Variants in SCFD2 observed in about 807,000 individuals in gnomAD.
The protein encoded by SCFD2 is sec1 family domain containing 2.
A neutral mutation model predicts 58.9 loss-of-function variants in SCFD2; 54 were observed. The ratio of observed to expected loss-of-function variants is 0.92; its 90% CI spans 0.74 to 1.15. The LOEUF is 1.15. Ranked by LOEUF, SCFD2 falls within the 50% of genes most tolerant of loss-of-function variation. SCFD2 has a pLI of 0.00. For synonymous variants in SCFD2, 321 were observed against 335.9 expected (o/e 0.96, Z 0.49); for missense variants, 805 against 836.6 (o/e 0.96, Z 0.47).
At chr4:53,345,642 G>GGCTGCTGTAACAAATGAC (rs1560458992) in intron 2 of SCFD2, among the ~76,000 whole-genome samples, 1 of 151,834 alleles carries the variant, frequency 6.6e-6, no homozygotes, top group African/African-American at 2.4e-5. Flanking sequence ...AAAGACACAC[G>GGCTGCTGTAACAAATGAC]CACATGTATG....
chr4:53,317,275 T>C lies in SCFD2; in HGVS notation c.1008-3512A>G, dbSNP rs578067454. On this transcript the variant is annotated intron_variant, in intron 2 of 8. Transcript: ENST00000401642. ...AAGTTAATTAAGGTTCTCTGAATAA[T>C]TGGCACTGAAGAAGGTCAAAGTCAT... is the stretch of plus-strand genomic sequence containing the variant. Among the ~76,000 whole-genome samples the C allele has an allele frequency of 2.2e-4, 33 of 152,314 alleles. No individual in the cohort carries two copies. The South Asian group carries it at 5.2e-3, about 24-fold the overall frequency.
intron 5 of SCFD2, among the ~76,000 whole-genome samples, chr4:52,966,791 G>A (rs2109546801): frequency 6.6e-6 from 1 of 151,980 alleles, no homozygotes; most frequent in East Asian, 1.9e-4. Context: ...CTTAACTAAA[G>A]TATAAACTTT....
intron 4 of SCFD2, among the ~76,000 whole-genome samples, chr4:53,228,166 T>A (rs745582015): frequency 2.2e-4 from 34 of 152,300 alleles, no homozygotes; most frequent in Non-Finnish European, 3.8e-4. Context: ...TTCTTGTCAC[T>A]GGGCAAGAGC....
intron 8 of SCFD2, among the ~76,000 whole-genome samples, chr4:52,884,922 C>A (rs1033388559): frequency 2.0e-5 from 3 of 152,156 alleles, no homozygotes; most frequent in African/African-American, 7.2e-5. Flanking sequence ...TATTCTCAAG[C>A]CTCTTCTGAT....
At chr4:53,328,538 T>C (rs981307847) in intron 2 of SCFD2, among the ~76,000 whole-genome samples, 2 of 152,164 alleles carry the variant, frequency 1.3e-5, no homozygotes. Context: ...TTATAACCCA[T>C]TGAATAAAAT....
At chr4:53,207,779 T>C (rs934242008) in intron 4 of SCFD2, among the ~76,000 whole-genome samples, 1 of 148,324 alleles carries the variant, frequency 6.7e-6, no homozygotes, top group Non-Finnish European at 1.5e-5. Flanking sequence ...TCTCTCTTCT[T>C]CTTTCTCGGG....
intron 4 of SCFD2, among the ~76,000 whole-genome samples, chr4:53,232,884 A>G (rs1729482478): frequency 6.6e-6 from 1 of 152,210 alleles, no homozygotes; most frequent in South Asian, 2.1e-4. Context: ...AAAGTAAAGA[A>G]TGAGAAGAAC....
intron 5 of SCFD2, among the ~76,000 whole-genome samples, chr4:52,986,020 TTC>T (rs1421728130): frequency 6.6e-6 from 1 of 152,080 alleles, no homozygotes; most frequent in East Asian, 1.9e-4. Flanking sequence ...CCTTTACATA[TTC>T]TGTTTTTGCA....
intron 3 of SCFD2, among the ~76,000 whole-genome samples, chr4:53,295,308 T>C (rs953100874): frequency 6.6e-6 from 1 of 152,216 alleles, no homozygotes; most frequent in African/African-American, 2.4e-5. Flanking sequence ...GTGTCCTCTC[T>C]GATTTCCTTG....
At chr4:53,264,400 G>C (rs558525633) in intron 4 of SCFD2, among the ~76,000 whole-genome samples, 20 of 152,326 alleles carry the variant, frequency 1.3e-4, no homozygotes, top group African/African-American at 4.1e-4. Flanking sequence ...CTGAGTGGGA[G>C]CTGCAAGCTA....
chr4:53,319,716 G>A (rs761839575), intron 2 of SCFD2, among the ~76,000 whole-genome samples: 8 of 151,968 alleles, frequency 5.3e-5, no homozygotes, highest in Non-Finnish European at 1.2e-4. Flanking sequence ...ATTTTTAGTA[G>A]AGACGGGGTT....
intron 4 of SCFD2, among the ~76,000 whole-genome samples, chr4:53,238,162 G>T (rs1450711066): frequency 2.2e-5 from 3 of 137,994 alleles, no homozygotes; most frequent in Non-Finnish European, 4.8e-5. Flanking sequence ...CAGACGGGGT[G>T]GCTGGCCGGG....
chr4:52,968,783 T>C (rs558674147), intron 5 of SCFD2, among the ~76,000 whole-genome samples: 7 of 152,254 alleles, frequency 4.6e-5, no homozygotes, highest in African/African-American at 1.4e-4. Context: ...TATGTGTGTG[T>C]TGTGCTCAAG....
intron 4 of SCFD2, among the ~76,000 whole-genome samples, chr4:53,238,722 G>A (rs1285907687): frequency 6.6e-6 from 1 of 151,630 alleles, no homozygotes; most frequent in South Asian, 2.1e-4. Context: ...CATCCCAGAC[G>A]GGGCGGCGGG....
chr4:53,107,353 C>T (rs28861447), intron 5 of SCFD2, among the ~76,000 whole-genome samples: 2,562 of 152,254 alleles, frequency 0.017, 77 homozygotes, highest in African/African-American at 0.059. Context: ...ATCATAATGA[C>T]AGGATTAAAT....
Position 53,352,656 on chromosome 4 carries a change from G to T in SCFD2, c.949C>A (p.Leu317Ile). The change falls in exon 2 of 9, where the codon CTC (leucine) becomes ATC (isoleucine). Residue 317 changes from leucine to isoleucine, a missense_variant. Around this residue, in one of 3 missense-constraint regions of SCFD2, gnomAD observed 633 missense variants for 646.8 expected, o/e 0.98. Transcript: ENST00000401642. ...TTATAATTTTCCTCCTCAGTATGGA[G>T]TGCAGTGAGCGCTATCATGTTAACC... is the stretch of plus-strand genomic sequence containing the variant. ...VMVNMIALTA[L>I]HTEEENYNVV... 1 of 1,613,968 alleles carries T rather than the reference G, an allele frequency of 6.2e-7. No individual in the cohort carries two copies. Among genetic ancestry groups the T allele is most frequent in the South Asian group, 1.1e-5 (1 of 91,086 alleles).
chr4:52,933,046 G>T (rs531724266), intron 5 of SCFD2, among the ~76,000 whole-genome samples: 2 of 152,300 alleles, frequency 1.3e-5, no homozygotes, highest in South Asian at 2.1e-4. Flanking sequence ...CTGAGGCAAG[G>T]CTGGGCCTTG....
At chr4:53,048,298 C>T (rs995707541) in intron 5 of SCFD2, among the ~76,000 whole-genome samples, 15 of 151,946 alleles carry the variant, frequency 9.9e-5, no homozygotes, top group Admixed American at 5.9e-4. Flanking sequence ...TGTAGTGAAC[C>T]GAGATCGTGC....
At chr4:53,193,675 CT>C (rs1348570453) in intron 4 of SCFD2, among the ~76,000 whole-genome samples, 9 of 152,224 alleles carry the variant, frequency 5.9e-5, no homozygotes, top group African/African-American at 2.2e-4. Context: ...ATTAAGACCT[CT>C]GTTTAAGGGG....
Sources: gnomAD v4.1 joint callset for allele counts (sites outside exome capture counted in the v4.1 genomes callset) on GRCh38, gnomAD v4.1.1 for gene constraint, gnomAD v4.1.1 regional missense constraint, MANE v1.5 for transcripts, NCBI Gene and HGNC (gene_info 2026-07-23, HGNC 2026-07-21) for gene names.